Variants in CADM2 observed in about 807,000 individuals in gnomAD.
CADM2 encodes immunoglobulin superfamily member 4D.
In CADM2, 12 loss-of-function variants were observed where a neutral mutation model predicts 49.8. That is an observed-to-expected ratio of 0.24 (90% CI 0.15 to 0.39). The LOEUF is 0.39. CADM2 is among the 10% of genes least tolerant of loss of function. The probability of loss-of-function intolerance (pLI) is 1.00; values close to 1 mark genes in which losing one functional copy is unlikely to be tolerated. For missense variants in CADM2, 378 were observed against 492.3 expected (o/e 0.77, Z 2.20); for synonymous variants, 214 against 175.4 (o/e 1.22, Z -1.74).
At chr3:85,541,968 A>G (rs2061559719) in intron 1 of CADM2, among the ~76,000 whole-genome samples, 1 of 151,834 alleles carries the variant, frequency 6.6e-6, no homozygotes. Context: ...GTCTTCTCTC[A>G]TGAAAATATA....
intron 1 of CADM2, among the ~76,000 whole-genome samples, chr3:85,708,746 G>A (rs1289287562): frequency 6.6e-6 from 1 of 151,968 alleles, no homozygotes; most frequent in African/African-American, 2.4e-5. Flanking sequence ...CAACACTCTG[G>A]TGTTTTTCTT....
intron 8 of CADM2, among the ~76,000 whole-genome samples, chr3:85,973,483 T>C (rs1726408416): frequency 6.6e-6 from 1 of 151,760 alleles, no homozygotes; most frequent in East Asian, 1.9e-4. Context: ...TATTATCTTA[T>C]TCTCATTTGT....
intron 1 of CADM2, among the ~76,000 whole-genome samples, chr3:85,329,236 CT>C (rs2107141828): frequency 6.6e-6 from 1 of 152,062 alleles, no homozygotes; most frequent in African/African-American, 2.4e-5. Flanking sequence ...GGAAGCAGCC[CT>C]AAAAAACAAA....
intron 7 of CADM2, among the ~76,000 whole-genome samples, chr3:85,948,175 C>G (rs561363562): frequency 6.6e-6 from 1 of 151,442 alleles, no homozygotes; most frequent in East Asian, 2.0e-4. Flanking sequence ...GTTTATATAG[C>G]AAATTCAACA....
At chr3:85,496,030 A>T (rs538130580) in intron 1 of CADM2, among the ~76,000 whole-genome samples, 2 of 152,292 alleles carry the variant, frequency 1.3e-5, no homozygotes, top group African/African-American at 2.4e-5. Flanking sequence ...CTTATTTTTT[A>T]AAAAATCTAA....
At chr3:85,567,055 A>T (rs1183405155) in intron 1 of CADM2, among the ~76,000 whole-genome samples, 2 of 152,170 alleles carry the variant, frequency 1.3e-5, no homozygotes, top group Non-Finnish European at 2.9e-5. Flanking sequence ...CTGGGTTTGA[A>T]TCCAAAATGT....
chr3:85,380,308 T>C (rs1032466783), intron 1 of CADM2, among the ~76,000 whole-genome samples: 9 of 152,016 alleles, frequency 5.9e-5, no homozygotes, highest in African/African-American at 2.2e-4. Context: ...CATAAGATTT[T>C]TTTATATACA....
chr3:85,180,285 G>T (rs548327943), intron 1 of CADM2, among the ~76,000 whole-genome samples: 2 of 151,994 alleles, frequency 1.3e-5, no homozygotes, highest in African/African-American at 4.8e-5. Flanking sequence ...GAGGTGGGTG[G>T]ATCCCTTGAG....
intron 1 of CADM2, among the ~76,000 whole-genome samples, chr3:85,647,253 T>C (rs2064915706): frequency 6.6e-6 from 1 of 151,816 alleles, no homozygotes; most frequent in African/African-American, 2.4e-5. Context: ...ATAGCCATGG[T>C]ATATAATTTG....
At chr3:86,058,903 G>A (rs1363108345) in intron 8 of CADM2, among the ~76,000 whole-genome samples, 1 of 151,794 alleles carries the variant, frequency 6.6e-6, no homozygotes, top group Non-Finnish European at 1.5e-5. Context: ...AGACCAGCCT[G>A]GTCAACCTGG....
intron 1 of CADM2, among the ~76,000 whole-genome samples, chr3:85,002,012 CT>C: frequency 6.6e-6 from 1 of 152,050 alleles, no homozygotes; most frequent in African/African-American, 2.4e-5. Flanking sequence ...GATTAACAGG[CT>C]TTTGTTAGGT....
chr3:85,827,942 T>A (rs956791750), intron 3 of CADM2: 3 of 151,870 alleles, frequency 2.0e-5, no homozygotes, highest in Non-Finnish European at 4.4e-5. Context: ...TATGGACAAT[T>A]CCATGTTTTA....
chr3:85,018,096 C>T (rs1221467089), intron 1 of CADM2, among the ~76,000 whole-genome samples: 1 of 151,912 alleles, frequency 6.6e-6, no homozygotes, highest in East Asian at 1.9e-4. Context: ...AACATGTGAC[C>T]GTTCTATTAT....
At chr3:85,020,806 C>G (rs2034469497) in intron 1 of CADM2, among the ~76,000 whole-genome samples, 2 of 150,694 alleles carry the variant, frequency 1.3e-5, no homozygotes, top group Middle Eastern at 3.4e-3. Context: ...GTGTGTGTCC[C>G]TGTGGATTTT....
intron 1 of CADM2, among the ~76,000 whole-genome samples, chr3:85,209,624 T>C (rs558045463): frequency 6.6e-6 from 1 of 152,196 alleles, no homozygotes; most frequent in Non-Finnish European, 1.5e-5. Context: ...AATGCATTTA[T>C]TACTATTTCT....
intron 1 of CADM2, among the ~76,000 whole-genome samples, chr3:85,063,677 G>A (rs191281615): frequency 1.3e-5 from 2 of 151,986 alleles, no homozygotes; most frequent in African/African-American, 4.8e-5. Flanking sequence ...TCCAGATAAT[G>A]GGAATTGTGC....
chr3:85,985,952 C>T (rs1167130671), intron 8 of CADM2, among the ~76,000 whole-genome samples: 6 of 152,004 alleles, frequency 3.9e-5, no homozygotes, highest in Admixed American at 3.9e-4. Context: ...GAAAGAGTTT[C>T]ATTTATATTC....
intron 5 of CADM2, among the ~76,000 whole-genome samples, chr3:85,899,263 G>A (rs1323997868): frequency 2.0e-5 from 3 of 151,874 alleles, no homozygotes; most frequent in African/African-American, 7.3e-5. Context: ...ACCGCACTCA[G>A]CAATATTACT....
intron 1 of CADM2, among the ~76,000 whole-genome samples, chr3:85,713,054 C>T (rs568347272): frequency 1.3e-5 from 2 of 152,180 alleles, no homozygotes; most frequent in African/African-American, 4.8e-5. Flanking sequence ...GTTATTATGC[C>T]TTAAATAAAC....
Sources: gnomAD v4.1 joint callset for allele counts (sites outside exome capture counted in the v4.1 genomes callset) on GRCh38, gnomAD v4.1.1 for gene constraint, MANE v1.5 for transcripts, NCBI Gene and HGNC (gene_info 2026-07-23, HGNC 2026-07-21) for gene names.